The following TPRG1 variants were observed in gnomAD, a reference collection of about 807,000 sequenced individuals.
The protein encoded by TPRG1 is tumor protein p63-regulated gene 1 protein.
A neutral mutation model predicts 29.3 loss-of-function variants in TPRG1; 29 were observed. The observed-to-expected ratio is 0.99, with a 90% CI of 0.74 to 1.35. TPRG1 has a LOEUF of 1.35. Ranked by LOEUF, TPRG1 falls within the 40% of genes most tolerant of loss-of-function variation. TPRG1 has a pLI of 0.00. For missense variants in TPRG1, 327 were observed against 335.0 expected, an observed-to-expected ratio of 0.98 and a Z score of 0.19; for synonymous variants, 130 against 116.8, an observed-to-expected ratio of 1.11 and a Z score of -0.73.
chr3:189,102,763 AT>A (rs1313337027), intron 1 of TPRG1, among the ~76,000 whole-genome samples: 1 of 152,050 alleles, frequency 6.6e-6, no homozygotes, highest in Non-Finnish European at 1.5e-5. Context: ...TTGTTTATTA[AT>A]TTTTTTAAAA....
intron 4 of TPRG1, among the ~76,000 whole-genome samples, chr3:189,076,531 GT>G (rs535033927): frequency 0.054 from 7,760 of 144,980 alleles, 660 homozygotes; most frequent in African/African-American, 0.18. Flanking sequence ...CACTGAGACT[GT>G]TTTTTTTTTT....
intron 5 of TPRG1, among the ~76,000 whole-genome samples, chr3:189,314,140 A>T (rs1723120415): frequency 6.6e-6 from 1 of 152,180 alleles, no homozygotes; most frequent in African/African-American, 2.4e-5. Context: ...CATTAATTTG[A>T]TTGAAGAAAA....
intron 3 of TPRG1, chr3:189,219,876 C>T: frequency 1.7e-6 from 1 of 587,832 alleles, no homozygotes; most frequent in Non-Finnish European, 2.1e-6. Context: ...TTCATTATTC[C>T]CCCAACTCCA....
At chr3:189,166,870 A>T (rs1291660153) in intron 5 of TPRG1, among the ~76,000 whole-genome samples, 1 of 152,220 alleles carries the variant, frequency 6.6e-6, no homozygotes, top group Non-Finnish European at 1.5e-5. Flanking sequence ...TAATTCGACC[A>T]TATATTGGGT....
chr3:189,183,990 G>A (rs1013767792), intron 1 of TPRG1, among the ~76,000 whole-genome samples: 19 of 152,020 alleles, frequency 1.2e-4, no homozygotes, highest in Admixed American at 9.2e-4. Context: ...CACAATTTAT[G>A]TTTAGAGATT....
intron 2 of TPRG1, among the ~76,000 whole-genome samples, chr3:189,208,847 T>G (rs996682023): frequency 1.3e-5 from 2 of 152,108 alleles, no homozygotes; most frequent in African/African-American, 4.8e-5. Context: ...CACTGCGATA[T>G]AGAATAAAGA....
chr3:189,243,895 C>G (rs1740991334), intron 4 of TPRG1, among the ~76,000 whole-genome samples: 1 of 152,196 alleles, frequency 6.6e-6, no homozygotes, highest in South Asian at 2.1e-4. Flanking sequence ...GTCTATATCA[C>G]TATCAGCATT....
intron 4 of TPRG1, among the ~76,000 whole-genome samples, chr3:189,054,741 C>T (rs924028132): frequency 6.6e-6 from 1 of 152,016 alleles, no homozygotes; most frequent in African/African-American, 2.4e-5. Flanking sequence ...GATTGCGTGA[C>T]TGCACTCCAG....
intron 4 of TPRG1, 70 bp downstream of exon 4, chr3:189,238,979 A>T: frequency 4.9e-6 from 7 of 1,425,640 alleles, no homozygotes; most frequent in Non-Finnish European, 5.6e-6. Context: ...CAAGCCGAAA[A>T]TTCAGTTTGG....
chr3:189,251,075 C>T (rs1268105709), intron 4 of TPRG1, among the ~76,000 whole-genome samples: 1 of 152,048 alleles, frequency 6.6e-6, no homozygotes, highest in Non-Finnish European at 1.5e-5. Context: ...TCTCTTCCCT[C>T]CCTCTTTCTC....
chr3:189,204,036 T>A (rs935111919), intron 1 of TPRG1, among the ~76,000 whole-genome samples: 14 of 38,906 alleles, frequency 3.6e-4, no homozygotes, highest in South Asian at 2.8e-3. Flanking sequence ...CGAGACTGTC[T>A]CAAAAAAAAA....
chr3:189,010,263 A>G (rs1169698349), intron 3 of TPRG1, among the ~76,000 whole-genome samples: 1 of 152,104 alleles, frequency 6.6e-6, no homozygotes, highest in African/African-American at 2.4e-5. Context: ...ATGTGTCTTA[A>G]TAATAGAAAA....
intron 1 of TPRG1, among the ~76,000 whole-genome samples, chr3:189,119,286 A>G (rs150009924): frequency 5.3e-5 from 8 of 152,306 alleles, no homozygotes; most frequent in African/African-American, 7.2e-5. Flanking sequence ...TATTTACCCA[A>G]TGCCTATGCC....
intron 4 of TPRG1, among the ~76,000 whole-genome samples, chr3:189,289,005 T>G (rs772626416): frequency 3.3e-5 from 5 of 152,226 alleles, no homozygotes; most frequent in African/African-American, 1.2e-4. Context: ...ACCGATGTAC[T>G]GTGTATTAGA....
chr3:189,152,954 A>T (rs1255201595), intron 5 of TPRG1, among the ~76,000 whole-genome samples: 1 of 152,106 alleles, frequency 6.6e-6, no homozygotes, highest in African/African-American at 2.4e-5. Context: ...AAAAAGTAGG[A>T]CTGCTACCCG....
intron 4 of TPRG1, among the ~76,000 whole-genome samples, chr3:189,244,365 G>T (rs752180866): frequency 1.3e-5 from 2 of 152,026 alleles, no homozygotes; most frequent in Non-Finnish European, 2.9e-5. Flanking sequence ...ATTTCAGTGA[G>T]CCAAGATCGA....
intron 1 of TPRG1, among the ~76,000 whole-genome samples, chr3:189,174,547 C>T (rs1729234238): frequency 1.3e-5 from 2 of 152,190 alleles, no homozygotes; most frequent in African/African-American, 4.8e-5. Flanking sequence ...CATTCTCTTT[C>T]AACGGAAACC....
intron 3 of TPRG1, among the ~76,000 whole-genome samples, chr3:189,023,308 G>T (rs1475063485): frequency 2.0e-5 from 3 of 152,330 alleles, no homozygotes; most frequent in African/African-American, 7.2e-5. Context: ...ACTTGTGATT[G>T]CATGGTGAAG....
rs548867019 is a variant in TPRG1, at chr3:189,215,920, G to T, written c.302+537G>T. ...CAAGTCGAACATTCAAGCCCTTATT[G>T]CTTCAATAACTGCCTGCATTCCCCC... On this transcript the variant is annotated intron_variant, in intron 3 of 5. Coordinates refer to ENST00000345063, the MANE Select transcript of TPRG1 (RefSeq NM_198485.4). Among the ~76,000 whole-genome samples the T allele has an allele frequency of 2.2e-4, 34 of 152,190 alleles. 1 individual carries two copies. In the South Asian group the frequency reaches 2.7e-3, roughly 12 times the overall value.
Sources: gnomAD v4.1 joint callset for allele counts (sites outside exome capture counted in the v4.1 genomes callset) on GRCh38, gnomAD v4.1.1 for gene constraint, MANE v1.5 for transcripts, NCBI Gene and HGNC (gene_info 2026-07-23, HGNC 2026-07-21) for gene names.